Variants in PTPRQ observed in about 807,000 individuals in gnomAD.
PTPRQ encodes the protein phosphatidylinositol phosphatase PTPRQ.
In PTPRQ, 199 loss-of-function variants were observed where a neutral mutation model predicts 246.0. That is an observed-to-expected ratio of 0.81 (90% CI 0.72 to 0.91). The LOEUF (loss-of-function observed/expected upper bound fraction) is 0.91, where lower values mean the gene tolerates loss of function less well. PTPRQ is among the 40% of genes least tolerant of loss of function. The pLI is 0.00. For synonymous variants in PTPRQ, 869 were observed against 853.2 expected, an observed-to-expected ratio of 1.02 and a Z score of -0.32; for missense variants, 2,624 against 2,528.4, an observed-to-expected ratio of 1.04 and a Z score of -0.81.
chr12:80,468,033 T>A (rs1893496398), intron 6 of PTPRQ, among the ~76,000 whole-genome samples: 1 of 150,428 alleles, frequency 6.6e-6, no homozygotes, highest in South Asian at 2.1e-4. Context: ...AAAACAATGA[T>A]TTCATAAGGG....
intron 25 of PTPRQ, among the ~76,000 whole-genome samples, chr12:80,584,759 T>A (rs1416541570): frequency 6.6e-6 from 1 of 152,196 alleles, no homozygotes; most frequent in Non-Finnish European, 1.5e-5. Context: ...ATCAAATACA[T>A]CTGATTTATA....
intron 8 of PTPRQ, among the ~76,000 whole-genome samples, chr12:80,476,129 A>T (rs574205928): frequency 6.6e-6 from 1 of 152,160 alleles, no homozygotes; most frequent in Admixed American, 6.5e-5. Context: ...TAAGTTATGC[A>T]ATACTGGCTA....
At chr12:80,653,672 C>T (rs1481953777) in intron 38 of PTPRQ, among the ~76,000 whole-genome samples, 1 of 152,030 alleles carries the variant, frequency 6.6e-6, no homozygotes, top group Non-Finnish European at 1.5e-5. Flanking sequence ...AAATTGAATT[C>T]TTCTTTCTAG....
At chr12:80,450,089 T>C (rs1201991734) in intron 3 of PTPRQ, among the ~76,000 whole-genome samples, 1 of 152,158 alleles carries the variant, frequency 6.6e-6, no homozygotes, top group African/African-American at 2.4e-5. Flanking sequence ...AAGAGGTCCT[T>C]CACGTCCCTT....
intron 14 of PTPRQ, among the ~76,000 whole-genome samples, chr12:80,504,927 G>C (rs991982692): frequency 3.3e-5 from 5 of 151,800 alleles, no homozygotes; most frequent in African/African-American, 1.2e-4. Context: ...CCCATTTCCT[G>C]AGAATGAATG....
rs573399746 is a variant in PTPRQ at position 80,481,030 on chromosome 12, C to T, written c.1187-3403C>T. Among the ~76,000 whole-genome samples, 5 of 152,086 alleles carry T rather than the reference C, an allele frequency of 3.3e-5. No homozygotes were observed. The South Asian group carries it at 1.0e-3, about 32-fold the overall frequency. On this transcript the variant is annotated intron_variant, in intron 8 of 44. Coordinates refer to ENST00000644991, the MANE Select transcript of PTPRQ (RefSeq NM_001145026.2). ...TCCTCCCTAACTCATTTTATGAGGC[C>T]AGCATCATTCTGATACCAAAGCCAG...
At chr12:80,513,218 C>T (rs1173973023) in intron 17 of PTPRQ, among the ~76,000 whole-genome samples, 1 of 151,894 alleles carries the variant, frequency 6.6e-6, no homozygotes, top group Non-Finnish European at 1.5e-5. Context: ...TTGGAGAGCA[C>T]GATTTATTGA....
At chr12:80,513,354 C>G (rs1370012223) in intron 17 of PTPRQ, among the ~76,000 whole-genome samples, 1 of 152,108 alleles carries the variant, frequency 6.6e-6, no homozygotes, top group Non-Finnish European at 1.5e-5. Flanking sequence ...GTGCGTTGTT[C>G]CGCTGGTTGA....
intron 27 of PTPRQ, among the ~76,000 whole-genome samples, chr12:80,609,471 G>A (rs1565816591): frequency 6.6e-6 from 1 of 150,580 alleles, no homozygotes; most frequent in Non-Finnish European, 1.5e-5. Flanking sequence ...AAAGTAGTAT[G>A]TATGATAGGA....
chr12:80,510,181 C>A, intron 16 of PTPRQ, 142 bp from the exon 17 acceptor site: 1 of 821,186 alleles, frequency 1.2e-6, no homozygotes, highest in Non-Finnish European at 1.7e-6. Context: ...TGAAAGTAAA[C>A]AGTCTCTTGT....
intron 6 of PTPRQ, among the ~76,000 whole-genome samples, chr12:80,466,207 C>T (rs576241340): frequency 1.3e-5 from 2 of 152,144 alleles, no homozygotes; most frequent in East Asian, 3.9e-4. Context: ...TCTTATACAC[C>T]AACAACAGAC....
chr12:80,552,645 TTATATATATATATATATA>T lies in PTPRQ; in HGVS notation c.4285+2943_4285+2960del, dbSNP rs71094985. Among the ~76,000 whole-genome samples, 268 of 76,472 alleles carry T rather than the reference TTATATATATATATATATA, an allele frequency of 3.5e-3. 5 individuals are homozygous for T. The highest frequency in any genetic ancestry group is 6.9e-3 in the African/African-American group (138 of 20,062). 50.2% of individuals were successfully genotyped at this position (76,472 alleles called of 152,430 possible). A position where few individuals can be genotyped will look rare whatever the true frequency, so the allele number is the denominator to read the frequency against. Reference sequence around the variant, plus strand: ...TCCAGGTCTTTGTAAAAAAAAAAAATTATATATATATATATATATATATATATATATATATATATATAT... The same window carrying T: ...TCCAGGTCTTTGTAAAAAAAAAAAATTATATATATATATATATATATATAT... On this transcript the variant is annotated intron_variant, in intron 25 of 44. Coordinates refer to ENST00000644991, the MANE Select transcript of PTPRQ (RefSeq NM_001145026.2).
intron 14 of PTPRQ, among the ~76,000 whole-genome samples, chr12:80,500,572 C>T (rs77220833): frequency 0.019 from 2,863 of 152,080 alleles, 90 homozygotes; most frequent in African/African-American, 0.066. Context: ...CTATAAAATT[C>T]AAGCATAGCA....
chr12:80,589,112 A>T (rs1316177779), intron 26 of PTPRQ, among the ~76,000 whole-genome samples: 1 of 152,222 alleles, frequency 6.6e-6, no homozygotes, highest in Non-Finnish European at 1.5e-5. Context: ...TTGCTCTTGC[A>T]ACTTAGGTTT....
intron 26 of PTPRQ, among the ~76,000 whole-genome samples, chr12:80,597,972 T>C (rs903721631): frequency 3.3e-5 from 5 of 152,030 alleles, no homozygotes; most frequent in African/African-American, 9.7e-5. Context: ...AATATTTTCA[T>C]TCTTACCTGG....
intron 26 of PTPRQ, among the ~76,000 whole-genome samples, chr12:80,599,674 C>A (rs893745582): frequency 6.6e-6 from 1 of 151,372 alleles, no homozygotes; most frequent in Admixed American, 6.6e-5. Flanking sequence ...AAGAAAGATA[C>A]CTAAAATAAT....
At chr12:80,584,838 G>A (rs1316771948) in intron 25 of PTPRQ, among the ~76,000 whole-genome samples, 1 of 151,964 alleles carries the variant, frequency 6.6e-6, no homozygotes. Flanking sequence ...TGAGGCATTT[G>A]AAAAAATTAT....
At chr12:80,640,958 G>A (rs973744744) in intron 35 of PTPRQ, among the ~76,000 whole-genome samples, 31 of 152,158 alleles carry the variant, frequency 2.0e-4, no homozygotes, top group African/African-American at 2.6e-4. Flanking sequence ...TCAACATGAC[G>A]CAAGAGTTGA....
At chr12:80,483,771 T>G (rs996355760) in intron 8 of PTPRQ, among the ~76,000 whole-genome samples, 15 of 151,776 alleles carry the variant, frequency 9.9e-5, no homozygotes, top group Non-Finnish European at 2.1e-4. Context: ...TGTATGATGT[T>G]CCTCTCCCTG....
Sources: allele counts gnomAD v4.1 joint callset (sites outside exome capture counted in the v4.1 genomes callset), GRCh38; gene constraint gnomAD v4.1.1; transcripts MANE v1.5; gene names NCBI Gene and HGNC (gene_info 2026-07-23, HGNC 2026-07-21).